Variants in MSL2 observed in about 807,000 individuals in gnomAD.
The protein encoded by MSL2 is MSL complex subunit 2.
Under a neutral mutation model 35.8 loss-of-function variants are expected in MSL2, and 2 were observed. That is an observed-to-expected ratio of 0.06 (90% CI 0.02 to 0.18). The LOEUF (loss-of-function observed/expected upper bound fraction) is 0.18, where lower values mean the gene tolerates loss of function less well. MSL2 is among the 10% of genes least tolerant of loss of function. The pLI, the probability that MSL2 is intolerant of heterozygous loss-of-function variation, is 1.00. For missense variants in MSL2, 523 were observed against 706.7 expected, an observed-to-expected ratio of 0.74 and a Z score of 2.95; for synonymous variants, 296 against 255.7, an observed-to-expected ratio of 1.16 and a Z score of -1.50.
At chr3:136,184,410 G>A (rs1426116423) in intron 1 of MSL2, among the ~76,000 whole-genome samples, 1 of 151,992 alleles carries the variant, frequency 6.6e-6, no homozygotes, top group Non-Finnish European at 1.5e-5. Flanking sequence ...AGACCAGCCT[G>A]GCCAACATGG....
At chr3:136,158,405 A>ACC (rs1939597523) in intron 1 of MSL2, among the ~76,000 whole-genome samples, 2 of 152,112 alleles carry the variant, frequency 1.3e-5, no homozygotes, top group African/African-American at 4.8e-5. Context: ...ATTCCACAAC[A>ACC]TATAATACAA....
At chr3:136,184,720 G>A (rs555003334) in intron 1 of MSL2, among the ~76,000 whole-genome samples, 2 of 119,840 alleles carry the variant, frequency 1.7e-5, no homozygotes, top group African/African-American at 3.1e-5. Flanking sequence ...TCTTACAGGA[G>A]CAAGTTAGAT....
intron 1 of MSL2, among the ~76,000 whole-genome samples, chr3:136,168,768 A>C (rs1042633784): frequency 1.3e-5 from 2 of 151,748 alleles, no homozygotes; most frequent in African/African-American, 4.9e-5. Flanking sequence ...AAAAAAAAAA[A>C]CTCACCAAAG....
chr3:136,189,419 G>A (rs572357797), intron 1 of MSL2, among the ~76,000 whole-genome samples: 2 of 144,070 alleles, frequency 1.4e-5, no homozygotes, highest in East Asian at 4.0e-4. Context: ...CTAGATAAAT[G>A]TGCTCTAAAG....
At chr3:136,153,163 A>C (rs1939420642) in intron 1 of MSL2, 5 of 596,642 alleles carry the variant, frequency 8.4e-6, no homozygotes, top group Non-Finnish European at 1.1e-5. Context: ...TGAGCCCTAG[A>C]GTTCAGGCTA....
intron 1 of MSL2, among the ~76,000 whole-genome samples, chr3:136,187,459 T>TC (rs1940557240): frequency 6.6e-6 from 1 of 151,618 alleles, no homozygotes; most frequent in African/African-American, 2.4e-5. Context: ...GGTCAGGAGT[T>TC]CAAGACCAGC....
chr3:136,168,992 T>C (rs1327688509), intron 1 of MSL2, among the ~76,000 whole-genome samples: 1 of 152,048 alleles, frequency 6.6e-6, no homozygotes, highest in Non-Finnish European at 1.5e-5. Context: ...AAGCATTTTG[T>C]TGCCAGCCAT....
At chr3:136,167,143 G>C (rs1335925954) in intron 1 of MSL2, among the ~76,000 whole-genome samples, 4 of 152,002 alleles carry the variant, frequency 2.6e-5, no homozygotes, top group African/African-American at 7.3e-5. Flanking sequence ...GTGAACACTG[G>C]ACCTGGCAAT....
At chr3:136,175,985 T>TA (rs1305904059) in intron 1 of MSL2, among the ~76,000 whole-genome samples, 1 of 151,988 alleles carries the variant, frequency 6.6e-6, no homozygotes, top group Admixed American at 6.5e-5. Flanking sequence ...ACTCCAAAAT[T>TA]AAAGATGTCG....
intron 1 of MSL2, among the ~76,000 whole-genome samples, chr3:136,163,312 GGACTT>G (rs1170788452): frequency 1.3e-5 from 2 of 152,114 alleles, no homozygotes; most frequent in Non-Finnish European, 2.9e-5. Flanking sequence ...AATTTCAACT[GGACTT>G]AACACTATGA....
chr3:136,174,842 G>C (rs1940126603), intron 1 of MSL2, among the ~76,000 whole-genome samples: 1 of 152,148 alleles, frequency 6.6e-6, no homozygotes, highest in Non-Finnish European at 1.5e-5. Context: ...ATATGTATAT[G>C]TATATTAAAT....
rs775208288 is a variant in MSL2, at chr3:136,149,960, G to A, written c.*1187C>T. On this transcript the variant is annotated 3_prime_UTR_variant, in exon 2 of 2. Coordinates refer to ENST00000309993, the MANE Select transcript of MSL2 (RefSeq NM_018133.4). ...TTTTATTTGGGCTGTGCTCTTTCAA[G>A]CAACTGACTAGATTTCCCTTCAACA... is the stretch of plus-strand genomic sequence containing the variant. 2.0e-5 allele frequency: 3 copies of A among 152,562 alleles called. No homozygotes were observed. Among genetic ancestry groups the A allele is most frequent in the Admixed American group, 6.6e-5 (1 of 15,252 alleles). 9.5% of individuals were successfully genotyped at this position (152,562 alleles called of 1,614,324 possible).
intron 1 of MSL2, among the ~76,000 whole-genome samples, chr3:136,189,205 TG>T (rs1940613430): frequency 7.7e-6 from 1 of 129,464 alleles, no homozygotes; most frequent in Admixed American, 8.5e-5. Flanking sequence ...AAGGCTGAGG[TG>T]GGAGGACAGC....
chr3:136,189,060 GAA>G (rs1245049455), intron 1 of MSL2, among the ~76,000 whole-genome samples: 1 of 103,350 alleles, frequency 9.7e-6, no homozygotes, highest in Non-Finnish European at 1.8e-5. Flanking sequence ...TTTTCCTTAG[GAA>G]AAGAGATCAT....
chr3:136,192,825 T>C (rs1279186659), intron 1 of MSL2, among the ~76,000 whole-genome samples: 1 of 152,218 alleles, frequency 6.6e-6, no homozygotes, highest in East Asian at 1.9e-4. Context: ...TTGAATGCAC[T>C]AATGCTTTTC....
intron 1 of MSL2, among the ~76,000 whole-genome samples, chr3:136,183,121 G>A (rs1940415829): frequency 6.6e-6 from 1 of 151,490 alleles, no homozygotes; most frequent in African/African-American, 2.4e-5. Context: ...AATTTTACAA[G>A]GTAAAACTCA....
At chr3:136,180,011 G>A (rs1430489118) in intron 1 of MSL2, among the ~76,000 whole-genome samples, 1 of 152,130 alleles carries the variant, frequency 6.6e-6, no homozygotes, top group Non-Finnish European at 1.5e-5. Context: ...GTTGCAGTGA[G>A]CTGAGATCCC....
chr3:136,152,913 G>T (rs1394260956), intron 1 of MSL2, 175 bp from the exon 2 acceptor site: 1 of 985,304 alleles, frequency 1.0e-6, no homozygotes, highest in Non-Finnish European at 1.2e-6. Flanking sequence ...TAGCTCGCTT[G>T]ATTTCATGCC....
intron 1 of MSL2, among the ~76,000 whole-genome samples, chr3:136,171,858 T>TATAC (rs1940035122): frequency 6.6e-6 from 1 of 152,216 alleles, no homozygotes; most frequent in Non-Finnish European, 1.5e-5. Flanking sequence ...CAGGTATGTA[T>TATAC]GTGAGAGTTT....
Sources: gnomAD v4.1 joint callset for allele counts (sites outside exome capture counted in the v4.1 genomes callset) on GRCh38, gnomAD v4.1.1 for gene constraint, MANE v1.5 for transcripts, NCBI Gene and HGNC (gene_info 2026-07-23, HGNC 2026-07-21) for gene names.